Variants in CAMSAP2 observed in about 807,000 individuals in gnomAD.
The protein encoded by CAMSAP2 is calmodulin-regulated spectrin-associated protein 2.
Under a neutral mutation model 146.1 loss-of-function variants are expected in CAMSAP2, and 26 were observed. The observed-to-expected ratio is 0.18, with a 90% confidence interval of 0.13 to 0.25. The LOEUF (loss-of-function observed/expected upper bound fraction) is 0.25, where lower values mean the gene tolerates loss of function less well. CAMSAP2 is among the 10% of genes least tolerant of loss of function. CAMSAP2 has a pLI of 1.00. For missense variants in CAMSAP2, 1,381 were observed against 1,759.3 expected, an observed-to-expected ratio of 0.78 and a Z score of 3.85; for synonymous variants, 499 against 596.6, an observed-to-expected ratio of 0.84 and a Z score of 2.38.
At chr1:200,829,721 G>A (rs1336471614) in intron 4 of CAMSAP2, among the ~76,000 whole-genome samples, 1 of 152,104 alleles carries the variant, frequency 6.6e-6, no homozygotes, top group Non-Finnish European at 1.5e-5. Flanking sequence ...GATCCCAGGA[G>A]TTTGAGACCA....
At chr1:200,843,125 C>T (rs992343229) in intron 7 of CAMSAP2, among the ~76,000 whole-genome samples, 3 of 152,146 alleles carry the variant, frequency 2.0e-5, no homozygotes, top group Non-Finnish European at 2.9e-5. Context: ...CCCTACCCAA[C>T]GCAACACATG....
At position 200,815,632 on chromosome 1, in the gene CAMSAP2, A is replaced by G. The variant is rs34505744; in HGVS notation, c.633A>G (p.Pro211=). The change falls in exon 4 of 17, where the codon CCA becomes CCG. Residue 211 remains proline, a synonymous_variant. Coordinates refer to ENST00000358823, the MANE Select transcript of CAMSAP2 (RefSeq NM_203459.4). ...AAGAACATCACACAGTTGAAGCTCCAGGAGGTCAAAAGGTATTTATTTCAA... is the reference window on the plus strand; with the variant it reads ...AAGAACATCACACAGTTGAAGCTCCGGGAGGTCAAAAGGTATTTATTTCAA... ...KLKEHHTVEA[P]GGQKARYRKE... The G allele has an allele frequency of 3.3e-3, 5,111 of 1,564,774 alleles. 15 individuals carry two copies. The highest frequency in any genetic ancestry group is 4.1e-3 in the Non-Finnish European group (4,704 of 1,156,550).
chr1:200,784,798 C>A (rs1665539242), intron 2 of CAMSAP2, among the ~76,000 whole-genome samples: 1 of 152,128 alleles, frequency 6.6e-6, no homozygotes, highest in Non-Finnish European at 1.5e-5. Context: ...AGTGGTGAGA[C>A]CAGACATTTT....
At chr1:200,816,885 TGTGTATGTGTGTACAC>T (rs1666548763) in intron 4 of CAMSAP2, among the ~76,000 whole-genome samples, 1 of 50,948 alleles carries the variant, frequency 2.0e-5, no homozygotes, top group African/African-American at 7.2e-5. Context: ...CACACACGCG[TGTGTATGTGTGTACAC>T]ACACACGCGT....
chr1:200,786,461 G>A (rs1665595388), intron 2 of CAMSAP2, among the ~76,000 whole-genome samples: 1 of 151,366 alleles, frequency 6.6e-6, no homozygotes, highest in Non-Finnish European at 1.5e-5. Flanking sequence ...TCAGCTCGCT[G>A]CAGCCTCCGC....
At chr1:200,769,946 C>T (rs1318902930) in intron 2 of CAMSAP2, among the ~76,000 whole-genome samples, 1 of 152,154 alleles carries the variant, frequency 6.6e-6, no homozygotes, top group Non-Finnish European at 1.5e-5. Flanking sequence ...ATTCTGTTTC[C>T]TGAGGCCTAA....
intron 1 of CAMSAP2, among the ~76,000 whole-genome samples, chr1:200,749,280 A>G (rs1558159223): frequency 2.0e-5 from 3 of 152,218 alleles, no homozygotes; most frequent in Admixed American, 1.3e-4. Context: ...TCTATTAGAC[A>G]TGGGACAAGG....
chr1:200,799,323 C>G (rs1665972312), intron 2 of CAMSAP2, among the ~76,000 whole-genome samples: 1 of 151,780 alleles, frequency 6.6e-6, no homozygotes, highest in South Asian at 2.1e-4. Context: ...GGTTGGTAGA[C>G]TTTTAATTAC....
intron 3 of CAMSAP2, among the ~76,000 whole-genome samples, chr1:200,809,055 A>G (rs1428070625): frequency 6.6e-6 from 1 of 152,218 alleles, no homozygotes; most frequent in Non-Finnish European, 1.5e-5. Flanking sequence ...CCAGTCCAAC[A>G]AATGTGTCCC....
At chr1:200,815,518 A>C (rs1165943127) in intron 3 of CAMSAP2, 43 bp from the exon 4 acceptor site, 1 of 1,070,984 alleles carries the variant, frequency 9.3e-7, no homozygotes, top group Non-Finnish European at 1.3e-6. Context: ...ATGTAAATTC[A>C]AAAAAAGAAT....
At chr1:200,824,690 A>G (rs990696990) in intron 4 of CAMSAP2, among the ~76,000 whole-genome samples, 9 of 152,148 alleles carry the variant, frequency 5.9e-5, no homozygotes, top group African/African-American at 1.9e-4. Context: ...TGAAAAATAA[A>G]CCTACTGGCC....
chr1:200,803,618 T>TAA (rs59144711), intron 2 of CAMSAP2, among the ~76,000 whole-genome samples: 1 of 139,448 alleles, frequency 7.2e-6, no homozygotes, highest in Non-Finnish European at 1.6e-5. Context: ...AGTTAAGAAG[T>TAA]AAAAAAAAAA....
At chr1:200,798,812 G>A (rs1202451079) in intron 2 of CAMSAP2, among the ~76,000 whole-genome samples, 1 of 147,874 alleles carries the variant, frequency 6.8e-6, no homozygotes, top group Non-Finnish European at 1.5e-5. Context: ...GTTTGTCATA[G>A]ATAGCTCTTA....
chr1:200,809,487 C>T (rs1666268865), intron 3 of CAMSAP2, among the ~76,000 whole-genome samples: 2 of 152,210 alleles, frequency 1.3e-5, no homozygotes, highest in Admixed American at 1.3e-4. Flanking sequence ...CCTGTAATCC[C>T]AGCACTTTGG....
intron 3 of CAMSAP2, among the ~76,000 whole-genome samples, chr1:200,814,664 C>T (rs1183713788): frequency 1.4e-5 from 2 of 138,202 alleles, no homozygotes; most frequent in Admixed American, 1.4e-4. Flanking sequence ...ATTTTGTCAA[C>T]ATGTCACACT....
intron 2 of CAMSAP2, among the ~76,000 whole-genome samples, chr1:200,803,380 A>C (rs1666085066): frequency 6.6e-6 from 1 of 152,238 alleles, no homozygotes; most frequent in East Asian, 1.9e-4. Flanking sequence ...GAAAACAGTA[A>C]AATGCCAAAA....
intron 6 of CAMSAP2, among the ~76,000 whole-genome samples, chr1:200,836,943 T>C (rs1238074231): frequency 6.6e-6 from 1 of 152,174 alleles, no homozygotes; most frequent in African/African-American, 2.4e-5. Context: ...AATGAGATTA[T>C]TTTTATCTTG....
intron 1 of CAMSAP2, among the ~76,000 whole-genome samples, chr1:200,759,168 C>CAATTTGG (rs11282018): frequency 0.16 from 23,957 of 151,906 alleles, 2,455 homozygotes; most frequent in East Asian, 0.35. Flanking sequence ...CCAGATTGTT[C>CAATTTGG]AATTTGGTGT....
intron 2 of CAMSAP2, among the ~76,000 whole-genome samples, chr1:200,776,877 AG>A (rs1358804836): frequency 6.6e-6 from 1 of 152,158 alleles, no homozygotes; most frequent in Non-Finnish European, 1.5e-5. Flanking sequence ...AGAGAAAAGG[AG>A]GAAGGAGAGA....
Sources: allele counts gnomAD v4.1 joint callset (sites outside exome capture counted in the v4.1 genomes callset), GRCh38; gene constraint gnomAD v4.1.1; transcripts MANE v1.5; gene names NCBI Gene and HGNC (gene_info 2026-07-23, HGNC 2026-07-21).